VEPH1: variants seen among roughly 807,000 people sequenced by gnomAD.
VEPH1 encodes the protein ventricular zone expressed PH domain containing 1, also known as ventricular zone-expressed PH domain-containing protein homolog 1.
Under a neutral mutation model 85.2 loss-of-function variants are expected in VEPH1, and 80 were observed. The ratio of observed to expected loss-of-function variants is 0.94; its 90% CI spans 0.78 to 1.13. The LOEUF is 1.13. VEPH1 is among the 50% of genes most tolerant of loss of function. The pLI is 0.00. For missense variants in VEPH1, 955 were observed against 980.5 expected (o/e 0.97, Z 0.35); for synonymous variants, 297 against 348.0 (o/e 0.85, Z 1.63).
chr3:157,318,814 G>A (rs926991652), intron 9 of VEPH1, among the ~76,000 whole-genome samples: 1 of 151,922 alleles, frequency 6.6e-6, no homozygotes, highest in Non-Finnish European at 1.5e-5. Flanking sequence ...TGGGAGGCAG[G>A]AGTGGGAGAA....
intron 13 of VEPH1, among the ~76,000 whole-genome samples, 167 bp downstream of exon 13, chr3:157,265,357 CAT>C (rs1341341983): frequency 6.6e-6 from 1 of 152,132 alleles, no homozygotes; most frequent in Non-Finnish European, 1.5e-5. Context: ...AATCAACTAA[CAT>C]AGGAATAAAC....
intron 6 of VEPH1, chr3:157,413,632 A>G (rs1258386605): frequency 2.0e-6 from 2 of 985,210 alleles, no homozygotes; most frequent in African/African-American, 3.5e-5. Context: ...TAACCCTGCT[A>G]CTTGATTCAG....
At chr3:157,442,418 C>T (rs143914335) in intron 4 of VEPH1, 344 of 1,613,812 alleles carry the variant, frequency 2.1e-4, no homozygotes, top group Non-Finnish European at 2.8e-4. Flanking sequence ...TTTTTGGAAG[C>T]GTGCATCCAG....
At position 157,363,509 on chromosome 3, in the gene VEPH1, C is replaced by T. The variant is rs1726287155; in HGVS notation, c.1590G>A (p.Gln530=). 4 of 1,613,914 alleles carry T rather than the reference C, an allele frequency of 2.5e-6. No individual in the cohort carries two copies. Among genetic ancestry groups the T allele is most frequent in the Non-Finnish European group, 3.4e-6 (4 of 1,180,006 alleles). Residue 530 remains glutamine, a synonymous_variant, in exon 9 of 14, where the codon CAG becomes CAA. Transcript: ENST00000362010. ...TTGCAGTTGTCTCTGGAGTTTCTTC[C>T]TGGGAGTTTTCTTTAACAGTTTCTG... The part of the protein sequence containing the change: ...NLSETVKENS[Q]EETPETTASP...
chr3:157,442,761 A>C, intron 4 of VEPH1: 1 of 1,614,224 alleles, frequency 6.2e-7, no homozygotes, highest in Middle Eastern at 1.6e-4. Context: ...AATCCTGCAG[A>C]TTGGCCAAGA....
chr3:157,271,946 A>G (rs1366225323), intron 12 of VEPH1, among the ~76,000 whole-genome samples: 1 of 152,248 alleles, frequency 6.6e-6, no homozygotes. Flanking sequence ...AAGTGGTAAT[A>G]TCAGCCATTT....
At chr3:157,406,036 G>A (rs1394374911) in intron 6 of VEPH1, among the ~76,000 whole-genome samples, 1 of 152,102 alleles carries the variant, frequency 6.6e-6, no homozygotes, top group Non-Finnish European at 1.5e-5. Context: ...CTTATACTTT[G>A]TAAGAGGTTT....
intron 7 of VEPH1, among the ~76,000 whole-genome samples, chr3:157,379,529 T>C (rs1403812731): frequency 6.6e-6 from 1 of 152,212 alleles, no homozygotes; most frequent in Non-Finnish European, 1.5e-5. Context: ...CATCACATCC[T>C]CTGACTGTGA....
chr3:157,482,380 A>T (rs1738192416), intron 2 of VEPH1, among the ~76,000 whole-genome samples: 1 of 152,058 alleles, frequency 6.6e-6, no homozygotes, highest in Non-Finnish European at 1.5e-5. Flanking sequence ...ATGCACCACC[A>T]GGCCCAGTTA....
chr3:157,289,254 T>C (rs765525675), intron 11 of VEPH1, among the ~76,000 whole-genome samples: 2 of 152,232 alleles, frequency 1.3e-5, no homozygotes, highest in Non-Finnish European at 2.9e-5. Flanking sequence ...GTACTTAAAA[T>C]AATACTTAAG....
intron 1 of VEPH1, among the ~76,000 whole-genome samples, chr3:157,497,561 A>G (rs1006181940): frequency 6.6e-5 from 10 of 152,172 alleles, no homozygotes; most frequent in African/African-American, 2.4e-4. Context: ...ATTCAGGAAA[A>G]TTGGATGGAA....
At chr3:157,304,023 T>TTTTTTG (rs11270992) in intron 11 of VEPH1, among the ~76,000 whole-genome samples, 3 of 89,134 alleles carry the variant, frequency 3.4e-5, no homozygotes, top group African/African-American at 1.5e-4. Context: ...CTTATATTTT[T>TTTTTTG]TATATATATA....
chr3:157,272,393 T>C (rs1481760010), intron 12 of VEPH1, among the ~76,000 whole-genome samples: 3 of 142,330 alleles, frequency 2.1e-5, no homozygotes, highest in Non-Finnish European at 3.1e-5. Context: ...CTTTCTTTCT[T>C]TCTTTCTTTC....
intron 9 of VEPH1, 93 bp downstream of exon 9, chr3:157,363,271 G>A: frequency 8.0e-7 from 1 of 1,255,132 alleles, no homozygotes; most frequent in Non-Finnish European, 1.1e-6. Flanking sequence ...AAAAGATCCA[G>A]AAAAGAGTAT....
At chr3:157,351,306 A>T (rs556456759) in intron 9 of VEPH1, among the ~76,000 whole-genome samples, 3 of 152,214 alleles carry the variant, frequency 2.0e-5, no homozygotes, top group African/African-American at 7.2e-5. Context: ...ATTAGCCTGG[A>T]GTGGTAGCGC....
chr3:157,451,830 A>G (rs1734992975), intron 4 of VEPH1, among the ~76,000 whole-genome samples: 1 of 152,224 alleles, frequency 6.6e-6, no homozygotes, highest in Non-Finnish European at 1.5e-5. Flanking sequence ...ATGGGTGACA[A>G]GAACCTTGGA....
At chr3:157,409,662 G>A (rs1472945948) in intron 6 of VEPH1, 1 of 985,280 alleles carries the variant, frequency 1.0e-6, no homozygotes, top group East Asian at 1.1e-4. Context: ...CTGCTATCAA[G>A]CTGTTGAAAA....
Position 157,495,396 on chromosome 3 carries a change from T to C in VEPH1, c.-47A>G. 6.2e-7 allele frequency: 1 copy of C among 1,603,836 alleles called. No homozygotes were observed. The highest frequency in any genetic ancestry group is 8.5e-7 in the Non-Finnish European group (1 of 1,175,220). ...TTGACTTTCTACAGACCCAGAGTCA[T>C]GTGTTCCAGTTATCAGAGGTCAGTA... On this transcript the variant is annotated 5_prime_UTR_variant, in exon 2 of 14. The change abolishes an upstream ATG in the 5' untranslated region. Coordinates refer to ENST00000362010, the MANE Select transcript of VEPH1 (RefSeq NM_001167912.2).
chr3:157,440,511 C>T (rs1341172519), intron 4 of VEPH1, among the ~76,000 whole-genome samples: 1 of 151,992 alleles, frequency 6.6e-6, no homozygotes, highest in Non-Finnish European at 1.5e-5. Flanking sequence ...TCAAAGCTGT[C>T]TTATGGCATA....
Sources: allele counts gnomAD v4.1 joint callset (sites outside exome capture counted in the v4.1 genomes callset), GRCh38; gene constraint gnomAD v4.1.1; transcripts MANE v1.5; gene names NCBI Gene and HGNC (gene_info 2026-07-23, HGNC 2026-07-21).